The following TSPAN8 variants were observed in gnomAD, a reference collection of about 807,000 sequenced individuals.
TSPAN8 encodes tetraspanin-8.
A neutral mutation model predicts 32.8 loss-of-function variants in TSPAN8; 21 were observed. That is an observed-to-expected ratio of 0.64 (90% CI 0.45 to 0.92). TSPAN8 has a LOEUF of 0.92. Ranked by LOEUF, TSPAN8 falls within the 40% of genes least tolerant of loss-of-function variation. The pLI, the probability that TSPAN8 is intolerant of heterozygous loss-of-function variation, is 0.00. For missense variants in TSPAN8, 269 were observed against 281.9 expected, an observed-to-expected ratio of 0.95 and a Z score of 0.33; for synonymous variants, 95 against 94.6, an observed-to-expected ratio of 1.00 and a Z score of -0.03.
chr12:71,157,607 G>A lies in TSPAN8; in HGVS notation c.60+12C>T. 2 of 1,593,408 alleles carry A rather than the reference G, an allele frequency of 1.3e-6. No individual in the cohort carries two copies. Among genetic ancestry groups the A allele is most frequent in the Non-Finnish European group, 1.7e-6 (2 of 1,161,654 alleles). On this transcript the variant is annotated intron_variant, in intron 2 of 8. Coordinates refer to ENST00000247829, the MANE Select transcript of TSPAN8 (RefSeq NM_004616.3). ...CTTGCATAAAATTGATAATTAAAAG[G>A]AAAACACTTACCCAGAACAAGAAGT...
chr12:71,131,475 TC>T (rs969822152), intron 7 of TSPAN8, among the ~76,000 whole-genome samples: 165 of 152,132 alleles, frequency 1.1e-3, no homozygotes, highest in African/African-American at 3.8e-3. Flanking sequence ...ACTTTCTATT[TC>T]CTTTTATAAA....
At chr12:71,157,229 C>A (rs1447575531) in intron 2 of TSPAN8, 2 of 169,502 alleles carry the variant, frequency 1.2e-5, no homozygotes, top group African/African-American at 4.8e-5. Context: ...AAGTGAAGGG[C>A]GGGAATCAGG....
At chr12:71,152,430 G>A (rs571992446) in intron 2 of TSPAN8, among the ~76,000 whole-genome samples, 2 of 152,156 alleles carry the variant, frequency 1.3e-5, no homozygotes, top group Middle Eastern at 3.4e-3. Flanking sequence ...TAAAATACTG[G>A]TTGAAATGTC....
chr12:71,137,284 ATAAT>A (rs1414489310), intron 6 of TSPAN8, among the ~76,000 whole-genome samples: 6 of 151,900 alleles, frequency 3.9e-5, no homozygotes, highest in African/African-American at 1.2e-4. Context: ...TGTCCTCAAA[ATAAT>A]TAATTATTTT....
At position 71,132,684 on chromosome 12, in the gene TSPAN8, A is replaced by G; in HGVS notation, c.576+9T>C. ...TTGCTTATTGTACCAAATGTGATTT[A>G]GTTCTCACCTCTTTGTAAACTTGTT... On this transcript the variant is annotated intron_variant, in intron 7 of 8. Coordinates refer to ENST00000247829, the MANE Select transcript of TSPAN8 (RefSeq NM_004616.3). 1 of 1,612,186 alleles carries G rather than the reference A, an allele frequency of 6.2e-7. No homozygotes were observed. Among genetic ancestry groups the G allele is most frequent in the South Asian group, 1.1e-5 (1 of 90,734 alleles).
In TSPAN8 at chr12:71,129,319, A is replaced by G. The variant is rs1211286637; in HGVS notation, c.660+12T>C. ...GGAATAAAAGAGTCAATAATACAAG[A>G]TTATACTGTACCTCAATAACTGCCA... is the stretch of plus-strand genomic sequence containing the variant. On this transcript the variant is annotated intron_variant, in intron 8 of 8. Coordinates refer to ENST00000247829, the MANE Select transcript of TSPAN8 (RefSeq NM_004616.3). 6.4e-7 allele frequency: 1 copy of G among 1,564,448 alleles called. No homozygotes were observed. Among genetic ancestry groups the G allele is most frequent in the Non-Finnish European group, 8.6e-7 (1 of 1,158,762 alleles).
In TSPAN8 at chr12:71,129,396, T is replaced by G. The variant is rs1284506702; in HGVS notation, c.595A>C (p.Lys199Gln). The change falls in exon 8 of 9, where the codon AAA becomes CAA. Residue 199 changes from lysine to glutamine, a missense_variant. Physicochemically the swap from Lys to Gln is moderately conservative, Grantham distance 53. Coordinates refer to ENST00000247829, the MANE Select transcript of TSPAN8 (RefSeq NM_004616.3). ...ATCAAATTTTTTGCCAAGAAGTCTT[T>G]TATGAAAGAAATACAGGTCTGTTAA... ...VYKETCISFI[K>Q]DFLAKNLIIV... is the part of the protein sequence containing the mutation. 1 of 1,584,432 alleles carries G rather than the reference T, an allele frequency of 6.3e-7. No homozygotes were observed. The highest frequency in any genetic ancestry group is 8.6e-7 in the Non-Finnish European group (1 of 1,167,626).
In TSPAN8 at chr12:71,144,181, T is replaced by G; in HGVS notation, c.93A>C (p.Ile31=). 3 of 1,612,096 alleles carry G rather than the reference T, an allele frequency of 1.9e-6. No homozygotes were observed. The East Asian group carries it at 6.7e-5, about 36-fold the overall frequency. ...GAGAGTCATTGCTTACTCGTACCCA[T>G]ATTGCTAATGCTAGGATCAAGATAC... is the stretch of plus-strand genomic sequence containing the variant. The part of the protein sequence containing the change: ...LCGILILALA[I]WVRVSNDSQA... Residue 31 remains isoleucine, a synonymous_variant, in exon 3 of 9, where the codon ATA becomes ATC. Transcript: ENST00000247829.
rs116760087 is a variant in TSPAN8, at chr12:71,131,998, G to T, written c.576+695C>A. Among the ~76,000 whole-genome samples, 1,314 of 152,252 alleles carry T rather than the reference G, an allele frequency of 8.6e-3. 24 individuals are homozygous for T. The highest frequency in any genetic ancestry group is 0.03 in the African/African-American group (1,249 of 41,550). The stretch of plus-strand genomic sequence containing the variant: ...TTCCCGGTGACTGGTAGAAAGCTTG[G>T]CGCATAGGAGGTGGTCAGTAAGTAT... On this transcript the variant is annotated intron_variant, in intron 7 of 8. Transcript: ENST00000247829.
chr12:71,139,356 G>T, intron 4 of TSPAN8: 1 of 451,094 alleles, frequency 2.2e-6, no homozygotes, highest in South Asian at 2.0e-5. Context: ...TTGCTTCTGG[G>T]GCCACTCCCA....
chr12:71,128,811 C>T (rs1206277133), intron 8 of TSPAN8, among the ~76,000 whole-genome samples: 2 of 152,042 alleles, frequency 1.3e-5, no homozygotes, highest in East Asian at 1.9e-4. Context: ...CTGAGGAAAT[C>T]AGAGACAATT....
chr12:71,138,354 TTCATTTATTC>T, intron 4 of TSPAN8, 124 bp from the exon 5 acceptor site: 4 of 941,478 alleles, frequency 4.2e-6, no homozygotes, highest in Non-Finnish European at 6.3e-6. Context: ...AGTCACACTC[TTCATTTATTC>T]CACTTTTTAC....
intron 4 of TSPAN8, 35 bp from the exon 5 acceptor site, chr12:71,138,265 A>C (rs757279251): frequency 6.3e-7 from 1 of 1,590,364 alleles, no homozygotes; most frequent in South Asian, 1.1e-5. Context: ...CATTATCCTC[A>C]GTGCATTCAG....
Position 71,149,418 on chromosome 12 carries a change from G to A in TSPAN8, c.61-5205C>T, listed in dbSNP as rs1343840698. 2.0e-5 allele frequency among the ~76,000 whole-genome samples: 3 copies of A among 151,738 alleles called. No individual in the cohort carries two copies. In the East Asian group the frequency reaches 5.8e-4, roughly 29 times the overall value. Reference sequence around the variant, plus strand: ...AATGTGCATTCCCTTTACAAGCATGGCCTGATGTAGTTCTGATCTACTAAG... The same window carrying A: ...AATGTGCATTCCCTTTACAAGCATGACCTGATGTAGTTCTGATCTACTAAG... On this transcript the variant is annotated intron_variant, in intron 2 of 8. Coordinates refer to ENST00000247829, the MANE Select transcript of TSPAN8 (RefSeq NM_004616.3).
At chr12:71,144,115 C>T in intron 3 of TSPAN8, 36 bp downstream of exon 3, 1 of 1,576,438 alleles carries the variant, frequency 6.3e-7, no homozygotes, top group Non-Finnish European at 8.7e-7. Context: ...AAATAAACTA[C>T]ATTGGGGAAA....
intron 8 of TSPAN8, 114 bp from the exon 9 acceptor site, chr12:71,125,501 A>G (rs1383385299): frequency 4.8e-6 from 4 of 826,562 alleles, no homozygotes; most frequent in African/African-American, 3.5e-5. Flanking sequence ...GACAGTTCCA[A>G]TCTTATCTAA....
At chr12:71,154,146 T>C (rs1168848974) in intron 2 of TSPAN8, among the ~76,000 whole-genome samples, 5 of 151,738 alleles carry the variant, frequency 3.3e-5, no homozygotes, top group Non-Finnish European at 1.5e-5. Context: ...CTGTCTCCAC[T>C]AAAAATACAA....
chr12:71,157,185 T>C (rs1320948255), intron 2 of TSPAN8: 1 of 158,532 alleles, frequency 6.3e-6, no homozygotes, highest in Non-Finnish European at 1.4e-5. Context: ...ATCTTTATTG[T>C]CCCACACCCT....
chr12:71,144,294 G>C (rs182610107), intron 2 of TSPAN8, 81 bp from the exon 3 acceptor site: 18 of 1,269,760 alleles, frequency 1.4e-5, no homozygotes, highest in Admixed American at 6.0e-5. Flanking sequence ...TATCTATCCG[G>C]TGACAGTAGT....
Sources: gnomAD v4.1 joint callset for allele counts (sites outside exome capture counted in the v4.1 genomes callset) on GRCh38, gnomAD v4.1.1 for gene constraint, MANE v1.5 for transcripts, NCBI Gene and HGNC (gene_info 2026-07-23, HGNC 2026-07-21) for gene names.